The following PRKCQ variants were observed in gnomAD, a reference collection of about 807,000 sequenced individuals.
PRKCQ encodes protein kinase C theta.
Under a neutral mutation model 91.2 loss-of-function variants are expected in PRKCQ, and 41 were observed. That is an observed-to-expected ratio of 0.45 (90% CI 0.35 to 0.58). PRKCQ has a LOEUF of 0.58. PRKCQ is among the 20% of genes least tolerant of loss of function. PRKCQ has a pLI of 0.00. For missense variants in PRKCQ, 673 were observed against 896.5 expected (o/e 0.75, Z 3.18); for synonymous variants, 307 against 316.9 (o/e 0.97, Z 0.33).
At chr10:6,530,261 GGC>G (rs1839343963) in intron 1 of PRKCQ, among the ~76,000 whole-genome samples, 1 of 152,128 alleles carries the variant, frequency 6.6e-6, no homozygotes, top group Non-Finnish European at 1.5e-5. Flanking sequence ...CCATGAACTT[GGC>G]GTCAGAGTCA....
intron 1 of PRKCQ, among the ~76,000 whole-genome samples, chr10:6,565,708 C>T (rs1166217452): frequency 2.6e-5 from 4 of 152,180 alleles, no homozygotes; most frequent in Non-Finnish European, 4.4e-5. Flanking sequence ...GGAAGAATCC[C>T]GGGAGGAAAG....
chr10:6,530,547 A>AG (rs565829868), intron 1 of PRKCQ, among the ~76,000 whole-genome samples: 4 of 152,124 alleles, frequency 2.6e-5, no homozygotes, highest in Admixed American at 6.5e-5. Context: ...TCACAGTCAC[A>AG]GGGGGGGTTG....
chr10:6,535,573 C>T (rs369024891), intron 1 of PRKCQ, among the ~76,000 whole-genome samples: 8 of 151,910 alleles, frequency 5.3e-5, no homozygotes, highest in Admixed American at 1.3e-4. Context: ...TGGGAGGTTA[C>T]GAAGGAAGTA....
chr10:6,445,652 G>A (rs907216165), intron 15 of PRKCQ, among the ~76,000 whole-genome samples: 1 of 152,134 alleles, frequency 6.6e-6, no homozygotes, highest in African/African-American at 2.4e-5. Context: ...ATTTTGCAAT[G>A]TTACTGATTT....
At chr10:6,529,385 TCTAA>T (rs1839311504) in intron 1 of PRKCQ, among the ~76,000 whole-genome samples, 1 of 152,210 alleles carries the variant, frequency 6.6e-6, no homozygotes, top group Non-Finnish European at 1.5e-5. Flanking sequence ...ACCCAGCAGC[TCTAA>T]CTGAGATGCT....
At chr10:6,511,246 T>G in intron 2 of PRKCQ, 52 bp from the exon 3 acceptor site, 2 of 1,563,792 alleles carry the variant, frequency 1.3e-6, no homozygotes, top group Non-Finnish European at 1.8e-6. Flanking sequence ...GCCTGGAAAA[T>G]AATTCAGTTC....
rs1836720136 is a variant in PRKCQ at position 6,483,381 on chromosome 10, G to C, written c.1179+59C>G. On this transcript the variant is annotated intron_variant, in intron 11 of 17. Transcript: ENST00000263125. Reference sequence around the variant, plus strand: ...CTATGAGTTTAATTTCTTTGACCAGGAACTTGGCTCATCAGTTCCTGGAGT... The same window carrying C: ...CTATGAGTTTAATTTCTTTGACCAGCAACTTGGCTCATCAGTTCCTGGAGT... 3.1e-6 allele frequency: 5 copies of C among 1,601,378 alleles called. No homozygotes were observed. The East Asian group carries it at 1.1e-4, about 36-fold the overall frequency.
At chr10:6,425,014 G>A (rs72781716), downstream of PRKCQ, among the ~76,000 whole-genome samples, 27,918 of 152,142 alleles carry the variant, frequency 0.18, 2,774 homozygotes, top group Non-Finnish European at 0.23. Flanking sequence ...TCCCCTAGAA[G>A]GGGGACAGGT....
intron 8 of PRKCQ, among the ~76,000 whole-genome samples, chr10:6,491,074 C>A (rs1228261327): frequency 6.6e-6 from 1 of 152,140 alleles, no homozygotes; most frequent in African/African-American, 2.4e-5. Flanking sequence ...GCGATCCTGG[C>A]CTTGGAGGAA....
At chr10:6,517,062 T>C (rs1838792693) in intron 1 of PRKCQ, among the ~76,000 whole-genome samples, 2 of 152,190 alleles carry the variant, frequency 1.3e-5, no homozygotes, top group South Asian at 2.1e-4. Flanking sequence ...ACCTGACATC[T>C]AGAAGACAGA....
chr10:6,521,966 G>A (rs572445978), intron 1 of PRKCQ, among the ~76,000 whole-genome samples: 10 of 126,284 alleles, frequency 7.9e-5, no homozygotes, highest in African/African-American at 1.5e-4. Context: ...TTTTTGAGAC[G>A]GAGTCTCGCC....
At chr10:6,553,513 A>AAAAAT (rs1554782553) in intron 1 of PRKCQ, among the ~76,000 whole-genome samples, 1 of 87,728 alleles carries the variant, frequency 1.1e-5, no homozygotes, top group African/African-American at 4.8e-5. Context: ...AAAAAAAAAA[A>AAAAAT]AAAACAAACA....
At chr10:6,446,855 A>G (rs1433547484) in intron 15 of PRKCQ, among the ~76,000 whole-genome samples, 1 of 152,214 alleles carries the variant, frequency 6.6e-6, no homozygotes, top group East Asian at 1.9e-4. Flanking sequence ...GCAGCGAGAG[A>G]GGAACAGTGG....
At chr10:6,433,242 G>A (rs1294847017) in intron 16 of PRKCQ, among the ~76,000 whole-genome samples, 3 of 152,126 alleles carry the variant, frequency 2.0e-5, no homozygotes, top group Non-Finnish European at 4.4e-5. Context: ...GATGACAAGC[G>A]GCCTCCTTCC....
the PRKCQ span, among the ~76,000 whole-genome samples, chr10:6,407,168 C>T: frequency 1.8e-4 from 28 of 152,190 alleles, no homozygotes; most frequent in Middle Eastern, 0.01. The surrounding 1 kb of genome is among the most constrained non-coding windows in gnomAD (Gnocchi z 4.0). Context: ...AGCTCTGTTG[C>T]GGGCTGGAGA....
chr10:6,425,754 A>C (rs554096136), downstream of PRKCQ, among the ~76,000 whole-genome samples: 25 of 152,294 alleles, frequency 1.6e-4, no homozygotes, highest in South Asian at 2.3e-3. Flanking sequence ...CAGGAGTTCA[A>C]GACCAGCCTA....
At chr10:6,437,638 AACTT>A (rs1185942372) in intron 16 of PRKCQ, among the ~76,000 whole-genome samples, 1 of 151,710 alleles carries the variant, frequency 6.6e-6, no homozygotes, top group Non-Finnish European at 1.5e-5. Flanking sequence ...AGATCCCACT[AACTT>A]ATTATTTTTT....
intron 7 of PRKCQ, among the ~76,000 whole-genome samples, chr10:6,493,651 G>T (rs563962753): frequency 6.6e-6 from 1 of 152,116 alleles, no homozygotes; most frequent in South Asian, 2.1e-4. Context: ...AGAGATTTGC[G>T]TTTTTTTCTA....
chr10:6,426,539 G>A (rs180856554), downstream of PRKCQ, among the ~76,000 whole-genome samples: 12 of 152,124 alleles, frequency 7.9e-5, no homozygotes, highest in Admixed American at 2.0e-4. Flanking sequence ...CAAAGGGCCC[G>A]GACACCTGAA....
Sources: gnomAD v4.1 joint callset for allele counts (sites outside exome capture counted in the v4.1 genomes callset) on GRCh38, gnomAD v4.1.1 for gene constraint, Gnocchi (gnomAD v3.1) non-coding constraint, MANE v1.5 for transcripts, NCBI Gene and HGNC (gene_info 2026-07-23, HGNC 2026-07-21) for gene names.